POLE2: variants seen among roughly 807,000 people sequenced by gnomAD.
The protein encoded by POLE2 is DNA polymerase epsilon subunit 2.
POLE2 carries 56 observed loss-of-function variants against 79.4 expected under a neutral mutation model. The observed-to-expected ratio is 0.71, with a 90% CI of 0.57 to 0.88. The LOEUF (loss-of-function observed/expected upper bound fraction) is 0.88. Ranked by LOEUF, POLE2 falls within the 40% of genes least tolerant of loss-of-function variation. The pLI is 0.00. For synonymous variants in POLE2, 212 were observed against 214.0 expected, an observed-to-expected ratio of 0.99 and a Z score of 0.08; for missense variants, 598 against 638.9, an observed-to-expected ratio of 0.94 and a Z score of 0.69.
At chr14:49,672,658 C>A (rs1364508656) in intron 5 of POLE2, among the ~76,000 whole-genome samples, 2 of 152,124 alleles carry the variant, frequency 1.3e-5, no homozygotes, top group African/African-American at 4.8e-5. Flanking sequence ...TGCCACCATG[C>A]CTGACTACTT....
intron 18 of POLE2, among the ~76,000 whole-genome samples, chr14:49,644,816 G>A (rs987577889): frequency 2.6e-5 from 4 of 152,044 alleles, no homozygotes; most frequent in African/African-American, 9.7e-5. Context: ...CAAGACCGGT[G>A]GATCACCTGA....
chr14:49,676,147 A>AAT (rs1307498116), intron 3 of POLE2, among the ~76,000 whole-genome samples: 2 of 152,220 alleles, frequency 1.3e-5, no homozygotes, highest in South Asian at 2.1e-4. Context: ...AGACTTATAC[A>AAT]ATATATATAT....
Position 49,661,758 on chromosome 14 carries a change from C to T in POLE2, c.755+1557G>A, listed in dbSNP as rs529225748. ...CCCCCTGAATTTTATATTTTGAAGGCATTTTAGAGAAAATTTATAATCCTA... is the reference window on the plus strand; with the variant it reads ...CCCCCTGAATTTTATATTTTGAAGGTATTTTAGAGAAAATTTATAATCCTA... On this transcript the variant is annotated intron_variant, in intron 10 of 18. Coordinates refer to ENST00000216367, the MANE Select transcript of POLE2 (RefSeq NM_002692.4). 7.4e-4 allele frequency among the ~76,000 whole-genome samples: 113 copies of T among 152,192 alleles called. 1 individual carries two copies. Among genetic ancestry groups the T allele is most frequent in the African/African-American group, 2.7e-3 (112 of 41,532 alleles).
intron 17 of POLE2, among the ~76,000 whole-genome samples, chr14:49,647,569 T>A (rs1883877682): frequency 6.6e-6 from 1 of 152,088 alleles, no homozygotes; most frequent in Non-Finnish European, 1.5e-5. Flanking sequence ...TCTTCCCATC[T>A]CAGCCTCCCA....
intron 3 of POLE2, chr14:49,677,910 A>G: frequency 3.0e-6 from 1 of 332,350 alleles, no homozygotes; most frequent in Non-Finnish European, 5.5e-6. Context: ...CAGTGGCCAT[A>G]TTGAGAAGGT....
In POLE2 at chr14:49,669,391, C is replaced by T. The variant is rs573927879; in HGVS notation, c.492+133G>A. 3.3e-4 allele frequency: 197 copies of T among 590,110 alleles called. 1 individual carries two copies. Among genetic ancestry groups the T allele is most frequent in the Middle Eastern group, 1.1e-3 (4 of 3,536 alleles). 36.6% of individuals were successfully genotyped at this position (590,110 alleles called of 1,614,324 possible). A position where few individuals can be genotyped will look rare whatever the true frequency, so the allele number is the denominator to read the frequency against. ...AGGAATGGACTGTATCAAAAGTGGG[C>T]ATGCAGCCCATCCAGTTAGCTAAAC... On this transcript the variant is annotated intron_variant, in intron 6 of 18. Coordinates refer to ENST00000216367, the MANE Select transcript of POLE2 (RefSeq NM_002692.4).
chr14:49,674,606 C>G (rs8003305), intron 3 of POLE2, among the ~76,000 whole-genome samples, 179 bp from the exon 4 acceptor site: 37,075 of 151,858 alleles, frequency 0.24, 5,515 homozygotes, highest in African/African-American at 0.42. Context: ...CGCTATTGTT[C>G]TCCAGGCTAG....
Position 49,662,649 on chromosome 14 carries a change from G to C in POLE2, c.755+666C>G, listed in dbSNP as rs75994272. Among the ~76,000 whole-genome samples, 463 of 152,356 alleles carry C rather than the reference G, an allele frequency of 3.0e-3. 2 individuals are homozygous for C. The highest frequency in any genetic ancestry group is 0.011 in the African/African-American group (444 of 41,584). The stretch of plus-strand genomic sequence containing the variant: ...TGAGAATTCAGGCTCTGTATTGCCA[G>C]ATCCTCCTGTTAAGAGAACTCTGAA... On this transcript the variant is annotated intron_variant, in intron 10 of 18. Transcript: ENST00000216367.
chr14:49,661,547 C>T (rs1233464326), intron 10 of POLE2, among the ~76,000 whole-genome samples: 2 of 151,962 alleles, frequency 1.3e-5, no homozygotes, highest in South Asian at 2.1e-4. Context: ...TCACATCTTC[C>T]GTTTAAAAAA....
Position 49,651,323 on chromosome 14 carries a change from T to C in POLE2, c.1266A>G (p.Lys422=), listed in dbSNP as rs373173258. The part of the protein sequence containing the change: ...ITVFREDLVN[K]MCRNCVRFPS... Reference sequence around the variant, plus strand: ...GAAAACGGACGCAGTTTCTGCACATTTTATTTACTAAGTCTTCACGGAAGA... The same window carrying C: ...GAAAACGGACGCAGTTTCTGCACATCTTATTTACTAAGTCTTCACGGAAGA... The change falls in exon 16 of 19, where the codon AAA becomes AAG. Residue 422 remains lysine, a synonymous_variant. Transcript: ENST00000216367. 1.9e-6 allele frequency: 3 copies of C among 1,605,266 alleles called. No individual in the cohort carries two copies. The African/African-American group carries it at 4.0e-5, about 21-fold the overall frequency.
chr14:49,650,625 T>G (rs540613163), intron 16 of POLE2, among the ~76,000 whole-genome samples, 184 bp from the exon 17 acceptor site: 3 of 152,318 alleles, frequency 2.0e-5, no homozygotes, highest in Admixed American at 6.5e-5. Flanking sequence ...CTATTCTGTA[T>G]TTTAGGAAAA....
At chr14:49,682,646 A>AGG (rs1566572881) in intron 2 of POLE2, among the ~76,000 whole-genome samples, 31 of 145,338 alleles carry the variant, frequency 2.1e-4, no homozygotes, top group African/African-American at 8.1e-4. Context: ...CAGGGAAAAA[A>AGG]AAAAAAAAAA....
At chr14:49,671,532 G>T (rs1047583040) in intron 5 of POLE2, among the ~76,000 whole-genome samples, 1 of 149,150 alleles carries the variant, frequency 6.7e-6, no homozygotes, top group Non-Finnish European at 1.5e-5. Flanking sequence ...CAGGAGAATC[G>T]CTTGAACCCA....
chr14:49,646,645 T>C (rs1475027904), intron 18 of POLE2: 3 of 152,132 alleles, frequency 2.0e-5, no homozygotes, highest in African/African-American at 7.2e-5. Flanking sequence ...TAACCAGTGG[T>C]GGGAACTTTT....
rs541132384 is a variant in POLE2, at chr14:49,674,907, G to C, written c.246-480C>G. Among the ~76,000 whole-genome samples, 7 of 152,160 alleles carry C rather than the reference G, an allele frequency of 4.6e-5. No homozygotes were observed. The East Asian group carries it at 1.2e-3, about 25-fold the overall frequency. ...GTCAAAAATACAATGGGTGTAAAAT[G>C]TTTAGCTTGTGCATTTTCATCTCAA... On this transcript the variant is annotated intron_variant, in intron 3 of 18. Coordinates refer to ENST00000216367, the MANE Select transcript of POLE2 (RefSeq NM_002692.4).
rs138210368 is a variant in POLE2, at chr14:49,657,533, C to T, written c.756-1690G>A. On this transcript the variant is annotated intron_variant, in intron 10 of 18. Transcript: ENST00000216367. ...TCAGCTCACTGCAACCTTCATCTCC[C>T]GGGTTCAAGCAATTCTCCTGCCTCA... is the stretch of plus-strand genomic sequence containing the variant. Among the ~76,000 whole-genome samples the T allele has an allele frequency of 6.9e-3, 1,047 of 151,912 alleles. 8 individuals carry two copies. The highest frequency in any genetic ancestry group is 0.044 in the Middle Eastern group (13 of 294).
rs374671423 is a variant in POLE2 at position 49,664,653 on chromosome 14, T to C, written c.655A>G (p.Thr219Ala). The C allele has an allele frequency of 1.2e-5, 19 of 1,595,750 alleles. No homozygotes were observed. Among genetic ancestry groups the C allele is most frequent in the Non-Finnish European group, 1.6e-5 (19 of 1,163,432 alleles). The change falls in exon 9 of 19, where the codon ACA becomes GCA. Residue 219 changes from threonine (T) to alanine (A), a missense_variant. Coordinates refer to ENST00000216367, the MANE Select transcript of POLE2 (RefSeq NM_002692.4). ...SKAQFHSGLY[T>A]EACFVLAEGW... ...TCTGCTAAGACAAAGCATGCCTCTG[T>C]GTATAAACCACTATGGAACTGGTAC... is the stretch of plus-strand genomic sequence containing the variant.
intron 5 of POLE2, among the ~76,000 whole-genome samples, chr14:49,671,477 C>T (rs762199325): frequency 4.6e-5 from 7 of 151,888 alleles, no homozygotes; most frequent in African/African-American, 1.2e-4. Context: ...ATTAGCCAGG[C>T]GCTTTGGCAC....
intron 1 of POLE2, among the ~76,000 whole-genome samples, chr14:49,687,359 A>C (rs1275057980): frequency 6.6e-6 from 1 of 151,622 alleles, no homozygotes; most frequent in East Asian, 1.9e-4. Flanking sequence ...ACTCTAAAAC[A>C]CGGAGCAGAT....
Sources: gnomAD v4.1 joint callset for allele counts (sites outside exome capture counted in the v4.1 genomes callset) on GRCh38, gnomAD v4.1.1 for gene constraint, MANE v1.5 for transcripts, NCBI Gene and HGNC (gene_info 2026-07-23, HGNC 2026-07-21) for gene names.